Variants in CNOT10 observed in about 807,000 individuals in gnomAD.
CNOT10 encodes the protein CCR4-NOT transcription complex subunit 10, also known as CCR4-NOT transcription complex, subunit 10.
In CNOT10, 30 loss-of-function variants were observed where a neutral mutation model predicts 94.6. The ratio of observed to expected loss-of-function variants is 0.32; its 90% CI spans 0.24 to 0.43. The LOEUF (loss-of-function observed/expected upper bound fraction) is 0.43. Ranked by LOEUF, CNOT10 falls within the 20% of genes least tolerant of loss-of-function variation. The pLI is 1.00. For synonymous variants in CNOT10, 289 were observed against 301.6 expected (o/e 0.96, Z 0.43); for missense variants, 759 against 877.2 (o/e 0.87, Z 1.70).
chr3:32,692,702 T>C (rs1345439991), intron 1 of CNOT10, among the ~76,000 whole-genome samples: 1 of 152,204 alleles, frequency 6.6e-6, no homozygotes. Flanking sequence ...GATTTTTACC[T>C]AGTTCTATTG....
At chr3:32,760,828 T>A (rs918355189) in intron 14 of CNOT10, among the ~76,000 whole-genome samples, 2 of 150,630 alleles carry the variant, frequency 1.3e-5, no homozygotes, top group Non-Finnish European at 3.0e-5. Flanking sequence ...GTGTTTTTGT[T>A]TTTTTTTTAA....
chr3:32,702,232 A>T (rs1311341978), intron 1 of CNOT10, among the ~76,000 whole-genome samples: 6 of 152,072 alleles, frequency 3.9e-5, no homozygotes, highest in Admixed American at 3.9e-4. Flanking sequence ...AGTAGCTGGG[A>T]TTATAGGCAT....
chr3:32,743,720 A>G (rs1274185179), intron 13 of CNOT10, among the ~76,000 whole-genome samples: 1 of 152,118 alleles, frequency 6.6e-6, no homozygotes, highest in Non-Finnish European at 1.5e-5. Context: ...ACCTTCTGAG[A>G]ATGTCATTAA....
At chr3:32,723,854 G>A (rs954656186) in intron 8 of CNOT10, among the ~76,000 whole-genome samples, 1 of 152,158 alleles carries the variant, frequency 6.6e-6, no homozygotes, top group Non-Finnish European at 1.5e-5. Flanking sequence ...GTCGAGGCAG[G>A]AGGATCACTT....
At chr3:32,716,045 G>C (rs990737477) in intron 5 of CNOT10, 180 bp from the exon 6 acceptor site, 2 of 433,854 alleles carry the variant, frequency 4.6e-6, no homozygotes, top group Non-Finnish European at 8.4e-6. Context: ...GGGCTCAAGC[G>C]ATCCGCCCGC....
chr3:32,703,458 A>T (rs1031205862), intron 1 of CNOT10, among the ~76,000 whole-genome samples: 1 of 152,110 alleles, frequency 6.6e-6, no homozygotes, highest in African/African-American at 2.4e-5. Context: ...ACAGTAAGAG[A>T]TTAACAACAA....
intron 13 of CNOT10, among the ~76,000 whole-genome samples, chr3:32,748,534 A>T (rs1009926748): frequency 2.6e-5 from 4 of 152,158 alleles, no homozygotes; most frequent in African/African-American, 9.7e-5. Context: ...TTATTTAGAG[A>T]TGGAGTCTCA....
In CNOT10 at chr3:32,773,775, T is replaced by A; in HGVS notation, c.*164T>A. ...AGCTTACTTAAAATTAAGGATTTAC[T>A]AAGTCATCATCAGCTGTTTTTCTTA... On this transcript the variant is annotated 3_prime_UTR_variant, in exon 19 of 19. Transcript: ENST00000328834. The A allele has an allele frequency of 1.6e-6, 1 of 622,298 alleles. No homozygotes were observed. The highest frequency in any genetic ancestry group is 2.6e-6 in the Non-Finnish European group (1 of 385,196). The allele number at this position is 622,298 out of a possible 1,614,324, so 38.5% of individuals were successfully genotyped here.
rs149706701 is a variant in CNOT10 at position 32,756,332 on chromosome 3, T to C, written c.1596-3126T>C. Among the ~76,000 whole-genome samples the C allele has an allele frequency of 5.7e-4, 87 of 152,330 alleles. 1 individual carries two copies. The highest frequency in any genetic ancestry group is 1.9e-3 in the African/African-American group (78 of 41,572). On this transcript the variant is annotated intron_variant, in intron 13 of 18. Transcript: ENST00000328834. The stretch of plus-strand genomic sequence containing the variant: ...TTTATAGTCTTTTACCCTGTTTTGA[T>C]TTAGAATTTGAAGAAAGCAGATTTT...
rs1296898874 is a variant in CNOT10 at position 32,754,487 on chromosome 3, A to ATATATAT, written c.1596-4971_1596-4970insTATATAT. On this transcript the variant is annotated intron_variant, in intron 13 of 18. Coordinates refer to ENST00000328834, the MANE Select transcript of CNOT10 (RefSeq NM_015442.3). The stretch of plus-strand genomic sequence containing the variant: ...GCAAGACTCCGTCTCAAAAAAAAAA[A>ATATATAT]AAATACATATATATATATATATTTA... 4.9e-3 allele frequency among the ~76,000 whole-genome samples: 304 copies of ATATATAT among 62,660 alleles called. 29 individuals are homozygous for ATATATAT. In the East Asian group the frequency reaches 0.085, roughly 17 times the overall value. The allele number at this position is 62,660 out of a possible 152,430, so 41.1% of individuals were successfully genotyped here.
intron 1 of CNOT10, among the ~76,000 whole-genome samples, chr3:32,702,050 G>A (rs937737187): frequency 1.3e-5 from 2 of 151,062 alleles, no homozygotes; most frequent in South Asian, 4.2e-4. Context: ...CACCCGCCTT[G>A]GCCTCCCAAA....
intron 4 of CNOT10, among the ~76,000 whole-genome samples, chr3:32,709,684 C>T (rs934733151): frequency 2.0e-5 from 3 of 151,430 alleles, no homozygotes; most frequent in African/African-American, 7.3e-5. Context: ...ACAGACTGGG[C>T]GGGAGAGACA....
chr3:32,752,745 G>A (rs1700018507), intron 13 of CNOT10, among the ~76,000 whole-genome samples: 1 of 152,178 alleles, frequency 6.6e-6, no homozygotes, highest in Non-Finnish European at 1.5e-5. Flanking sequence ...GGAGGCCGAG[G>A]TGGGCGGATC....
At chr3:32,687,191 C>CT (rs1336146324) in intron 1 of CNOT10, among the ~76,000 whole-genome samples, 1 of 151,872 alleles carries the variant, frequency 6.6e-6, no homozygotes, top group Non-Finnish European at 1.5e-5. Context: ...TGTTTCTGGC[C>CT]TTTATCTTTT....
chr3:32,772,954 C>T (rs930086807), intron 18 of CNOT10, among the ~76,000 whole-genome samples: 3 of 152,194 alleles, frequency 2.0e-5, no homozygotes, highest in Non-Finnish European at 4.4e-5. Flanking sequence ...CAGCCTTGAC[C>T]TCCCAGGTTC....
intron 13 of CNOT10, chr3:32,754,026 G>A (rs1188045337): frequency 2.0e-6 from 1 of 490,402 alleles, no homozygotes; most frequent in African/African-American, 2.0e-5. Context: ...CTTGAACCCA[G>A]GAGGCGGAGG....
At chr3:32,751,919 C>T (rs919436374) in intron 13 of CNOT10, among the ~76,000 whole-genome samples, 2 of 152,132 alleles carry the variant, frequency 1.3e-5, no homozygotes, top group African/African-American at 4.8e-5. Context: ...TTTGTGTTCA[C>T]GTTGGCATGA....
chr3:32,740,000 G>A (rs1452014835), intron 13 of CNOT10, among the ~76,000 whole-genome samples: 1 of 152,222 alleles, frequency 6.6e-6, no homozygotes, highest in African/African-American at 2.4e-5. Flanking sequence ...GCAGGCTGAG[G>A]TGGGAGGATC....
chr3:32,702,916 GT>G (rs112213079), intron 1 of CNOT10, among the ~76,000 whole-genome samples: 8,956 of 140,148 alleles, frequency 0.064, 281 homozygotes, highest in Middle Eastern at 0.098. Flanking sequence ...GTTTTTTGTT[GT>G]TTTTTTTTTT....
Sources: gnomAD v4.1 joint callset for allele counts (sites outside exome capture counted in the v4.1 genomes callset) on GRCh38, gnomAD v4.1.1 for gene constraint, MANE v1.5 for transcripts, NCBI Gene and HGNC (gene_info 2026-07-23, HGNC 2026-07-21) for gene names.